The following FGD4 variants were observed in gnomAD, a reference collection of about 807,000 sequenced individuals.
FGD4 encodes FYVE, RhoGEF and PH domain containing 4.
A neutral mutation model predicts 102.0 loss-of-function variants in FGD4; 42 were observed. That is an observed-to-expected ratio of 0.41 (90% CI 0.32 to 0.53). FGD4 has a LOEUF of 0.53. Ranked by LOEUF, FGD4 falls within the 20% of genes least tolerant of loss-of-function variation. FGD4 has a pLI of 0.21. For synonymous variants in FGD4, 380 were observed against 375.7 expected (o/e 1.01, Z -0.13); for missense variants, 902 against 1,078.2 (o/e 0.84, Z 2.29).
At chr12:32,441,888 G>C (rs533209122) in intron 1 of FGD4, among the ~76,000 whole-genome samples, 11 of 152,166 alleles carry the variant, frequency 7.2e-5, no homozygotes, top group Middle Eastern at 6.8e-3. Context: ...TGCTGAGTTT[G>C]GTCTGGTTTT....
At chr12:32,509,002 C>T (rs73301596) in intron 1 of FGD4, among the ~76,000 whole-genome samples, 3,661 of 152,332 alleles carry the variant, frequency 0.024, 142 homozygotes, top group African/African-American at 0.082. Context: ...TGCAACTACT[C>T]TAATTGCAAT....
chr12:32,434,644 A>T (rs1316266154), intron 1 of FGD4, among the ~76,000 whole-genome samples: 2 of 152,204 alleles, frequency 1.3e-5, no homozygotes, highest in Admixed American at 6.5e-5. Flanking sequence ...TTTCTTCATG[A>T]ATGTCATTAA....
At chr12:32,498,224 G>A (rs1937943263) in intron 1 of FGD4, among the ~76,000 whole-genome samples, 1 of 152,214 alleles carries the variant, frequency 6.6e-6, no homozygotes, top group Non-Finnish European at 1.5e-5. Context: ...TGTCTGCAGA[G>A]TATTTAAAAA....
chr12:32,469,807 G>A (rs998482314), intron 1 of FGD4, among the ~76,000 whole-genome samples: 4 of 151,916 alleles, frequency 2.6e-5, no homozygotes, highest in African/African-American at 9.7e-5. Flanking sequence ...TTACAGGCAT[G>A]CGGCACCATG....
At chr12:32,526,829 G>A (rs1347467108) in intron 1 of FGD4, among the ~76,000 whole-genome samples, 1 of 152,196 alleles carries the variant, frequency 6.6e-6, no homozygotes, top group Non-Finnish European at 1.5e-5. Context: ...CGCCTTAAAA[G>A]CTGTAACACT....
At chr12:32,508,142 G>A (rs1282293669) in intron 1 of FGD4, among the ~76,000 whole-genome samples, 1 of 152,210 alleles carries the variant, frequency 6.6e-6, no homozygotes, top group Non-Finnish European at 1.5e-5. Flanking sequence ...CTGTGCACGT[G>A]AGGTGCAGCT....
chr12:32,626,871 G>C (rs952268366), intron 14 of FGD4, among the ~76,000 whole-genome samples: 5 of 152,146 alleles, frequency 3.3e-5, no homozygotes, highest in African/African-American at 2.4e-5. Flanking sequence ...TTTTGAGACG[G>C]AGTTTTGCTC....
rs764395273 is a variant in FGD4 at position 32,625,656 on chromosome 12, T to G, written c.2049T>G (p.Thr683=). 20 of 1,614,000 alleles carry G rather than the reference T, an allele frequency of 1.2e-5. No homozygotes were observed. Among genetic ancestry groups the G allele is most frequent in the Non-Finnish European group, 1.6e-5 (19 of 1,179,960 alleles). ...KDNDIHSEVS[T]AELGKRAPRW... is the part of the protein sequence containing the mutation. ...TTGAATCTTTCTTCCCTTTTTAGAC[T>G]GCTGAGCTAGGGAAAAGAGCCCCAA... The change falls in exon 14 of 17, where the codon ACT becomes ACG. Residue 683 remains threonine (T), a splice_region_variant and synonymous_variant. Coordinates refer to ENST00000534526, the MANE Select transcript of FGD4 (RefSeq NM_001370298.3).
At chr12:32,466,367 G>A (rs960070786) in intron 1 of FGD4, among the ~76,000 whole-genome samples, 59 of 152,112 alleles carry the variant, frequency 3.9e-4, no homozygotes, top group African/African-American at 1.4e-3. Flanking sequence ...GGGTTGGCAG[G>A]CTCAAGTCCC....
Position 32,564,132 on chromosome 12 carries a change from T to G in FGD4, c.167-5T>G. The stretch of plus-strand genomic sequence containing the variant: ...TACCTGCCCTTTCTTTCTGAACTCT[T>G]GCAGGCAGCAGTACCTGTCCAAAGA... On this transcript the variant is annotated splice_polypyrimidine_tract_variant and splice_region_variant and intron_variant, in intron 1 of 16. Transcript: ENST00000534526. The G allele has an allele frequency of 6.5e-7, 1 of 1,534,730 alleles. No homozygotes were observed. The highest frequency in any genetic ancestry group is 8.7e-7 in the Non-Finnish European group (1 of 1,146,328).
At chr12:32,567,507 AG>A (rs1212583542) in intron 2 of FGD4, among the ~76,000 whole-genome samples, 12 of 152,104 alleles carry the variant, frequency 7.9e-5, no homozygotes, top group Admixed American at 5.2e-4. Context: ...AGTGCAGGGT[AG>A]GGCTGTTGCT....
At chr12:32,537,734 C>T (rs1220301129) in intron 1 of FGD4, among the ~76,000 whole-genome samples, 1 of 152,172 alleles carries the variant, frequency 6.6e-6, no homozygotes. Flanking sequence ...TGCTAATCCT[C>T]AAAATATGTT....
intron 5 of FGD4, chr12:32,600,568 TTTTCTTTCTTTC>T (rs755842788): frequency 1.0e-4 from 48 of 459,668 alleles, no homozygotes; most frequent in African/African-American, 8.9e-4. Context: ...TGTTTTTTGT[TTTTCTTTCTTTC>T]TTTCTTTCTT....
chr12:32,524,878 A>T (rs371325369), intron 1 of FGD4, among the ~76,000 whole-genome samples: 6 of 152,344 alleles, frequency 3.9e-5, no homozygotes, highest in Admixed American at 6.5e-5. Context: ...AATGACTAAT[A>T]AACATTTATA....
chr12:32,492,968 T>C (rs1944163847), intron 1 of FGD4, among the ~76,000 whole-genome samples: 1 of 152,134 alleles, frequency 6.6e-6, no homozygotes, highest in East Asian at 1.9e-4. Flanking sequence ...TAAGAGAATG[T>C]AGTTGGATGC....
rs1462411791 is a variant in FGD4 at position 32,625,737 on chromosome 12, T to C, written c.2130T>C (p.Asn710=). 43 of 1,614,106 alleles carry C rather than the reference T, an allele frequency of 2.7e-5. No homozygotes were observed. The highest frequency in any genetic ancestry group is 3.6e-5 in the Non-Finnish European group (42 of 1,180,018). Residue 710 remains asparagine (N), a synonymous_variant, in exon 14 of 17, where the codon AAT becomes AAC. Transcript: ENST00000534526. ...GTATGAAATGTAAAGAACCTTTCAA[T>C]GCACTGACACGAAGGAGGCATCATT... The part of the protein sequence containing the change: ...TMCMKCKEPF[N]ALTRRRHHCR...
intron 2 of FGD4, among the ~76,000 whole-genome samples, chr12:32,573,265 T>A (rs182631431): frequency 5.9e-4 from 90 of 152,264 alleles, no homozygotes; most frequent in African/African-American, 2.1e-3. Context: ...CCGGCTAATT[T>A]TTTGTATTTT....
chr12:32,607,224 A>G (rs1948833499), intron 7 of FGD4, among the ~76,000 whole-genome samples: 1 of 152,122 alleles, frequency 6.6e-6, no homozygotes, highest in Non-Finnish European at 1.5e-5. Flanking sequence ...CTGTTCTTAC[A>G]CCAGATTGGT....
In FGD4 at chr12:32,516,033, G is replaced by A. The variant is rs1158387570; in HGVS notation, c.167-48104G>A. On this transcript the variant is annotated intron_variant, in intron 1 of 16. Coordinates refer to ENST00000534526, the MANE Select transcript of FGD4 (RefSeq NM_001370298.3). Reference sequence around the variant, plus strand: ...ATAACAAACTGTTAATCCCAAATTAGTGCATGATGTAATAACTAAAATTGC... The same window carrying A: ...ATAACAAACTGTTAATCCCAAATTAATGCATGATGTAATAACTAAAATTGC... Among the ~76,000 whole-genome samples, 3 of 152,108 alleles carry A rather than the reference G, an allele frequency of 2.0e-5. No individual in the cohort carries two copies. In the East Asian group the frequency reaches 5.8e-4, roughly 29 times the overall value.
Sources: allele counts gnomAD v4.1 joint callset (sites outside exome capture counted in the v4.1 genomes callset), GRCh38; gene constraint gnomAD v4.1.1; transcripts MANE v1.5; gene names NCBI Gene and HGNC (gene_info 2026-07-23, HGNC 2026-07-21).